The following SHISA9 variants were observed in gnomAD, a reference collection of about 807,000 sequenced individuals.
SHISA9 encodes protein shisa-9.
Under a neutral mutation model 38.0 loss-of-function variants are expected in SHISA9, and 13 were observed. That is an observed-to-expected ratio of 0.34 (90% CI 0.22 to 0.54). The LOEUF (loss-of-function observed/expected upper bound fraction) is 0.54. Ranked by LOEUF, SHISA9 falls within the 20% of genes least tolerant of loss-of-function variation. The probability of loss-of-function intolerance (pLI) is 0.91; values close to 1 mark genes in which losing one functional copy is unlikely to be tolerated. For synonymous variants in SHISA9, 275 were observed against 242.0 expected (o/e 1.14, Z -1.27); for missense variants, 538 against 575.8 (o/e 0.93, Z 0.67).
the SHISA9 span, among the ~76,000 whole-genome samples, chr16:13,494,508 A>G: frequency 5.9e-5 from 9 of 152,194 alleles, no homozygotes; most frequent in Non-Finnish European, 1.3e-4. Context: ...TCATAAATGA[A>G]AAGGAACGTT....
At chr16:13,469,302 C>CAG in the SHISA9 span, among the ~76,000 whole-genome samples, 371 of 46,642 alleles carry the variant, frequency 8.0e-3, 8 homozygotes, top group African/African-American at 0.029. Flanking sequence ...GAAAGAAAGA[C>CAG]AGAGAGAGAG....
At chr16:13,232,890 C>T (rs1279269977) in intron 4 of SHISA9, among the ~76,000 whole-genome samples, 1 of 152,148 alleles carries the variant, frequency 6.6e-6, no homozygotes, top group Non-Finnish European at 1.5e-5. Context: ...CCTATTTAGA[C>T]TTTTAAAAGG....
intron 2 of SHISA9, among the ~76,000 whole-genome samples, chr16:13,099,602 G>A (rs149774079): frequency 6.6e-6 from 1 of 152,088 alleles, no homozygotes; most frequent in East Asian, 1.9e-4. Context: ...AACTGCAAAG[G>A]CCCTGAGGCA....
intron 2 of SHISA9, among the ~76,000 whole-genome samples, chr16:13,125,141 C>T (rs1434851113): frequency 6.6e-6 from 1 of 152,086 alleles, no homozygotes; most frequent in Non-Finnish European, 1.5e-5. Flanking sequence ...TAAAAAGCTT[C>T]TGCATAACAA....
At chr16:13,371,666 C>A in the SHISA9 span, among the ~76,000 whole-genome samples, 1 of 152,218 alleles carries the variant, frequency 6.6e-6, no homozygotes, top group African/African-American at 2.4e-5. Flanking sequence ...GATGAAGAAC[C>A]TTCCCCTCAC....
chr16:13,465,768 A>G, the SHISA9 span, among the ~76,000 whole-genome samples: 1 of 152,216 alleles, frequency 6.6e-6, no homozygotes, highest in South Asian at 2.1e-4. Flanking sequence ...ACCTCTCCAG[A>G]AAGAAAAAGC....
chr16:13,447,107 C>A, the SHISA9 span, among the ~76,000 whole-genome samples: 1 of 152,068 alleles, frequency 6.6e-6, no homozygotes, highest in Admixed American at 6.6e-5. Flanking sequence ...TTTCTCTCCA[C>A]CCCTGCTTAA....
the SHISA9 span, among the ~76,000 whole-genome samples, chr16:13,368,967 C>G: frequency 3.9e-5 from 6 of 151,928 alleles, no homozygotes; most frequent in African/African-American, 1.5e-4. Context: ...ATATGTGAAT[C>G]TGTGTGTTTG....
the SHISA9 span, among the ~76,000 whole-genome samples, chr16:13,392,613 TA>T: frequency 6.6e-6 from 1 of 152,146 alleles, no homozygotes; most frequent in Non-Finnish European, 1.5e-5. Context: ...CACAATGATG[TA>T]CTCCAAAGCA....
the SHISA9 span, among the ~76,000 whole-genome samples, chr16:13,264,849 G>A: frequency 6.6e-6 from 1 of 152,012 alleles, no homozygotes; most frequent in Admixed American, 6.5e-5. Flanking sequence ...ATAATGTCAA[G>A]AAAGTAATAA....
At chr16:13,166,959 A>G (rs1361227517) in intron 2 of SHISA9, among the ~76,000 whole-genome samples, 1 of 152,118 alleles carries the variant, frequency 6.6e-6, no homozygotes, top group African/African-American at 2.4e-5. Context: ...CACATCCTGC[A>G]CATGTACCCT....
chr16:13,499,245 C>G, the SHISA9 span, among the ~76,000 whole-genome samples: 1 of 152,130 alleles, frequency 6.6e-6, no homozygotes, highest in African/African-American at 2.4e-5. Flanking sequence ...TGGGCAGGAA[C>G]AAGAAAAGTG....
the SHISA9 span, among the ~76,000 whole-genome samples, chr16:13,417,321 GA>G: frequency 6.6e-6 from 1 of 152,138 alleles, no homozygotes; most frequent in East Asian, 1.9e-4. Flanking sequence ...ACTTGATAGT[GA>G]AAATGGAAGC....
chr16:13,222,263 C>G (rs1299539584), intron 4 of SHISA9, among the ~76,000 whole-genome samples: 1 of 152,120 alleles, frequency 6.6e-6, no homozygotes, highest in African/African-American at 2.4e-5. Context: ...GGGATACAGC[C>G]AAACCATATC....
chr16:12,998,302 T>C (rs2072483494), intron 2 of SHISA9, among the ~76,000 whole-genome samples: 1 of 152,236 alleles, frequency 6.6e-6, no homozygotes, highest in Non-Finnish European at 1.5e-5. Flanking sequence ...ATGTGTAATG[T>C]CTCAAAGACA....
intron 3 of SHISA9, among the ~76,000 whole-genome samples, chr16:13,211,691 A>G (rs1245990156): frequency 1.3e-5 from 2 of 152,216 alleles, no homozygotes; most frequent in Non-Finnish European, 2.9e-5. Flanking sequence ...CCTATTGTCA[A>G]TGAACTTATA....
intron 2 of SHISA9, among the ~76,000 whole-genome samples, chr16:13,057,328 C>G (rs1322144582): frequency 5.9e-5 from 9 of 152,198 alleles, no homozygotes; most frequent in Non-Finnish European, 1.3e-4. Context: ...TAGGATCCAA[C>G]AAGCTTAGAA....
intron 2 of SHISA9, among the ~76,000 whole-genome samples, chr16:12,933,813 A>G (rs2071492096): frequency 6.6e-6 from 1 of 152,186 alleles, no homozygotes; most frequent in Admixed American, 6.5e-5. Context: ...TTAATGAACC[A>G]AAAAACAAGC....
At chr16:13,319,802 A>T in the SHISA9 span, among the ~76,000 whole-genome samples, 1 of 43,694 alleles carries the variant, frequency 2.3e-5, no homozygotes, top group Non-Finnish European at 6.2e-5. Flanking sequence ...CAGAGCTGTT[A>T]AAAAAAAAAA....
Sources: allele counts gnomAD v4.1 joint callset (sites outside exome capture counted in the v4.1 genomes callset), GRCh38; gene constraint gnomAD v4.1.1; transcripts MANE v1.5; gene names NCBI Gene and HGNC (gene_info 2026-07-23, HGNC 2026-07-21).